PM20D2: variants seen among roughly 807,000 people sequenced by gnomAD.
PM20D2 encodes peptidase M20 domain containing 2.
Under a neutral mutation model 42.9 loss-of-function variants are expected in PM20D2, and 33 were observed. The ratio of observed to expected loss-of-function variants is 0.77; its 90% CI spans 0.58 to 1.03. The LOEUF (loss-of-function observed/expected upper bound fraction) is 1.03, where lower values mean the gene tolerates loss of function less well. Among genes scored for constraint, PM20D2 ranks in the 50% least tolerant of loss-of-function variants. The pLI, the probability that PM20D2 is intolerant of heterozygous loss-of-function variation, is 0.00. For missense variants in PM20D2, 548 were observed against 557.0 expected (o/e 0.98, Z 0.16); for synonymous variants, 250 against 228.2 (o/e 1.10, Z -0.86).
At chr6:89,150,087 T>C (rs887659243) in intron 2 of PM20D2, among the ~76,000 whole-genome samples, 1 of 152,212 alleles carries the variant, frequency 6.6e-6, no homozygotes, top group Non-Finnish European at 1.5e-5. Flanking sequence ...GCTCAGCTGC[T>C]TCAGCAAAAC....
the PM20D2 span, among the ~76,000 whole-genome samples, chr6:89,140,796 C>T: frequency 1.3e-5 from 2 of 152,168 alleles, no homozygotes; most frequent in African/African-American, 4.8e-5. Flanking sequence ...CAAAGGGAGC[C>T]TCAGGTCATC....
At chr6:89,110,417 A>T in the PM20D2 span, among the ~76,000 whole-genome samples, 1 of 152,168 alleles carries the variant, frequency 6.6e-6, no homozygotes, top group Non-Finnish European at 1.5e-5. Context: ...ACCCTATGTA[A>T]ATGAAGACTT....
At chr6:89,160,714 T>TA (rs1432732279) in intron 5 of PM20D2, among the ~76,000 whole-genome samples, 1 of 152,136 alleles carries the variant, frequency 6.6e-6, no homozygotes, top group Non-Finnish European at 1.5e-5. Flanking sequence ...CATGGAAAAT[T>TA]AAAAAGTACT....
chr6:89,156,092 G>A (rs868806771), intron 4 of PM20D2, among the ~76,000 whole-genome samples: 4 of 151,758 alleles, frequency 2.6e-5, no homozygotes, highest in Admixed American at 1.3e-4. Flanking sequence ...CATCATGTTG[G>A]CCAGGCTGGT....
At chr6:89,099,841 A>G in the PM20D2 span, among the ~76,000 whole-genome samples, 3 of 152,116 alleles carry the variant, frequency 2.0e-5, no homozygotes, top group Non-Finnish European at 4.4e-5. Context: ...AGCCGAAAAC[A>G]ACTATATTGA....
chr6:89,102,898 T>C, the PM20D2 span, among the ~76,000 whole-genome samples: 22 of 152,232 alleles, frequency 1.4e-4, no homozygotes, highest in African/African-American at 4.8e-4. Flanking sequence ...TCCCAGTAGC[T>C]GGAACAGGTG....
chr6:89,101,590 C>T, the PM20D2 span, among the ~76,000 whole-genome samples: 2 of 151,668 alleles, frequency 1.3e-5, no homozygotes, highest in Non-Finnish European at 2.9e-5. Context: ...GGTGTGGTGG[C>T]GGGAGGCTGA....
the PM20D2 span, among the ~76,000 whole-genome samples, chr6:89,134,319 T>C: frequency 6.6e-6 from 1 of 151,170 alleles, no homozygotes; most frequent in Non-Finnish European, 1.5e-5. Context: ...CCCTAAGCCT[T>C]TAAGAGAATT....
the PM20D2 span, among the ~76,000 whole-genome samples, chr6:89,110,663 T>C: frequency 1.3e-5 from 2 of 152,212 alleles, no homozygotes; most frequent in Non-Finnish European, 2.9e-5. Context: ...AGGAAGTCAC[T>C]GTGAATCGGC....
intron 1 of PM20D2, 104 bp downstream of exon 1, chr6:89,146,713 G>A: frequency 2.1e-6 from 2 of 965,736 alleles, no homozygotes; most frequent in Non-Finnish European, 2.8e-6. Flanking sequence ...GTGCCCTCCC[G>A]CCCGGGGCAG....
upstream of PM20D2, among the ~76,000 whole-genome samples, chr6:89,145,608 A>T (rs1770501574): frequency 6.6e-6 from 1 of 152,216 alleles, no homozygotes; most frequent in Non-Finnish European, 1.5e-5. Context: ...CAAGGAGAAG[A>T]AAGTGGGGGC....
At chr6:89,107,410 G>A in the PM20D2 span, among the ~76,000 whole-genome samples, 1 of 151,974 alleles carries the variant, frequency 6.6e-6, no homozygotes, top group Non-Finnish European at 1.5e-5. Flanking sequence ...GCAAGGTTTT[G>A]AAAGAAAGGG....
At chr6:89,155,740 G>C (rs1224761633) in intron 4 of PM20D2, among the ~76,000 whole-genome samples, 4 of 152,042 alleles carry the variant, frequency 2.6e-5, no homozygotes, top group Admixed American at 6.6e-5. Context: ...ACAAAGTCTT[G>C]CTCTATTGCC....
the PM20D2 span, among the ~76,000 whole-genome samples, chr6:89,137,145 CACTT>C: frequency 6.6e-6 from 1 of 151,752 alleles, no homozygotes; most frequent in African/African-American, 2.4e-5. Context: ...AACTAATAAA[CACTT>C]ACTGAGATTC....
the PM20D2 span, among the ~76,000 whole-genome samples, chr6:89,124,899 C>T: frequency 1.3e-5 from 2 of 151,696 alleles, no homozygotes; most frequent in Non-Finnish European, 2.9e-5. Context: ...CCATGCCCTG[C>T]TAATTTTTAA....
At chr6:89,105,568 C>G in the PM20D2 span, 2 of 1,392,200 alleles carry the variant, frequency 1.4e-6, no homozygotes, top group Non-Finnish European at 2.0e-6. Flanking sequence ...CATGAGATAT[C>G]AAGTAAACAT....
At chr6:89,098,021 G>C in the PM20D2 span, 1 of 152,280 alleles carries the variant, frequency 6.6e-6, no homozygotes, top group African/African-American at 2.4e-5. Flanking sequence ...TTGAGCTTAG[G>C]AGAGAATGTA....
the PM20D2 span, among the ~76,000 whole-genome samples, chr6:89,114,202 C>T: frequency 2.6e-5 from 4 of 152,072 alleles, no homozygotes; most frequent in Non-Finnish European, 4.4e-5. Flanking sequence ...CCAAGGTGGG[C>T]GGATTACCTG....
chr6:89,105,624 T>G, the PM20D2 span: 6 of 870,770 alleles, frequency 6.9e-6, no homozygotes, highest in African/African-American at 1.0e-4. Context: ...AATAGGAAAA[T>G]CAAGTTCAAG....
Sources: gnomAD v4.1 joint callset for allele counts (sites outside exome capture counted in the v4.1 genomes callset) on GRCh38, gnomAD v4.1.1 for gene constraint, MANE v1.5 for transcripts, NCBI Gene and HGNC (gene_info 2026-07-23, HGNC 2026-07-21) for gene names.